The following GP2 variants were observed in gnomAD, a reference collection of about 807,000 sequenced individuals.
The protein encoded by GP2 is pancreatic secretory granule membrane major glycoprotein GP2.
GP2 carries 58 observed loss-of-function variants against 60.8 expected under a neutral mutation model. The ratio of observed to expected loss-of-function variants is 0.95; its 90% confidence interval spans 0.77 to 1.19. The LOEUF is 1.19. GP2 is among the 50% of genes most tolerant of loss of function. The probability of loss-of-function intolerance (pLI) is 0.00; values close to 1 mark genes in which losing one functional copy is unlikely to be tolerated. For missense variants in GP2, 647 were observed against 667.4 expected (o/e 0.97, Z 0.34); for synonymous variants, 280 against 253.4 (o/e 1.10, Z -1.00).
intron 10 of GP2, among the ~76,000 whole-genome samples, chr16:20,312,664 T>A (rs1964024898): frequency 6.6e-6 from 1 of 152,084 alleles, no homozygotes; most frequent in Non-Finnish European, 1.5e-5. Flanking sequence ...TGCTTTTTTT[T>A]TTTTTGATGG....
intron 4 of GP2, among the ~76,000 whole-genome samples, chr16:20,322,464 C>G (rs1045170028): frequency 6.6e-6 from 1 of 152,176 alleles, no homozygotes; most frequent in African/African-American, 2.4e-5. Context: ...ACCTTATCCT[C>G]ATTTTACAGA....
At chr16:20,312,202 G>A (rs1964013234) in intron 10 of GP2, among the ~76,000 whole-genome samples, 1 of 152,152 alleles carries the variant, frequency 6.6e-6, no homozygotes, top group Non-Finnish European at 1.5e-5. Context: ...GAAGGACGTG[G>A]ATCCCAGATG....
chr16:20,316,448 G>C (rs1338120563), intron 8 of GP2, among the ~76,000 whole-genome samples: 1 of 152,152 alleles, frequency 6.6e-6, no homozygotes, highest in Non-Finnish European at 1.5e-5. Context: ...CTCTCGGCTG[G>C]GGCACACCCT....
In GP2 at chr16:20,323,720, C is replaced by T; in HGVS notation, c.535+96G>A. 5.0e-6 allele frequency: 4 copies of T among 797,894 alleles called. No individual in the cohort carries two copies. In the South Asian group the frequency reaches 5.5e-5, roughly 11 times the overall value. 49.4% of individuals were successfully genotyped at this position (797,894 alleles called of 1,614,324 possible). ...CTGAGTCGAGGCTGCTCTGCATCCT[C>T]TCCTGTCTCCTCTTGACTTGCTCCA... On this transcript the variant is annotated intron_variant, in intron 3 of 10. Transcript: ENST00000302555.
At chr16:20,314,851 C>A in intron 9 of GP2, 150 bp from the exon 10 acceptor site, 2 of 688,506 alleles carry the variant, frequency 2.9e-6, no homozygotes, top group African/African-American at 1.8e-5. Flanking sequence ...TAGAATCTGG[C>A]ACAGGCACCT....
At chr16:20,324,333 A>G (rs1964467844) in intron 2 of GP2, 77 bp from the exon 3 acceptor site, 2 of 940,128 alleles carry the variant, frequency 2.1e-6, no homozygotes, top group South Asian at 3.2e-5. Flanking sequence ...TCCATGCTCT[A>G]TTTTGGCTGT....
rs1350467715 is a variant in GP2 at position 20,310,038 on chromosome 16, C to A, written c.*1185G>T. 6.6e-6 allele frequency: 1 copy of A among 152,234 alleles called. No homozygotes were observed. Among genetic ancestry groups the A allele is most frequent in the Non-Finnish European group, 1.5e-5 (1 of 68,056 alleles). 9.4% of individuals were successfully genotyped at this position (152,234 alleles called of 1,614,324 possible). ...TAAGTCAGTGTACACATGTCAGCAT[C>A]TATATGCCCGTGAGTATTAATGCCT... On this transcript the variant is annotated 3_prime_UTR_variant, in exon 11 of 11. Transcript: ENST00000302555.
At chr16:20,325,817 G>A (rs1055819713) in intron 2 of GP2, among the ~76,000 whole-genome samples, 2 of 152,328 alleles carry the variant, frequency 1.3e-5, no homozygotes, top group African/African-American at 4.8e-5. Flanking sequence ...TTTAAGACAA[G>A]GAATCACTGC....
intron 8 of GP2, among the ~76,000 whole-genome samples, chr16:20,316,928 C>T (rs1964191920): frequency 6.7e-6 from 1 of 149,722 alleles, no homozygotes; most frequent in Non-Finnish European, 1.5e-5. Context: ...TTCCCTTTCC[C>T]CTCCCTTCCC....
At chr16:20,322,104 CTG>C (rs1964379362) in intron 4 of GP2, among the ~76,000 whole-genome samples, 2 of 152,240 alleles carry the variant, frequency 1.3e-5, no homozygotes, top group Admixed American at 1.3e-4. Context: ...CCTGTTCACA[CTG>C]TGGCTCCGTT....
intron 3 of GP2, 139 bp downstream of exon 3, chr16:20,323,677 G>T (rs1398021853): frequency 1.6e-6 from 1 of 631,642 alleles, no homozygotes; most frequent in South Asian, 2.0e-5. Context: ...CCTGTGTTGA[G>T]TTCTCACTGG....
At chr16:20,323,087 G>C in intron 3 of GP2, 108 bp from the exon 4 acceptor site, 2 of 664,500 alleles carry the variant, frequency 3.0e-6, no homozygotes, top group Non-Finnish European at 5.4e-6. Context: ...TCTTGCCAAG[G>C]TTGTGTGATA....
intron 2 of GP2, 52 bp downstream of exon 2, chr16:20,326,286 A>C (rs771598157): frequency 1.3e-6 from 2 of 1,572,658 alleles, no homozygotes; most frequent in Non-Finnish European, 1.7e-6. Context: ...TTCTATCCTC[A>C]CTTGCTAGGT....
Position 20,311,411 on chromosome 16 carries a change from T to C in GP2, c.1547-130A>G, listed in dbSNP as rs536270170. On this transcript the variant is annotated intron_variant, in intron 10 of 10. Transcript: ENST00000302555. ...GCATCTTTGATATCTGGCCTAGTTA[T>C]AGTCTCTGGGACTCACATGGTAGAG... is the stretch of plus-strand genomic sequence containing the variant. The C allele has an allele frequency of 3.6e-5, 24 of 660,144 alleles. No individual in the cohort carries two copies. In the East Asian group the frequency reaches 5.5e-4, roughly 15 times the overall value. The allele number at this position is 660,144 out of a possible 1,614,324, so 40.9% of individuals were successfully genotyped here. A position where few individuals can be genotyped will look rare whatever the true frequency, so the allele number is the denominator to read the frequency against.
Position 20,309,760 on chromosome 16 carries a change from G to A in GP2, c.*1463C>T, listed in dbSNP as rs1399400353. ...TGGCTTGCCAGGCCCCACTCCCGGA[G>A]CTTGTGCAGCCTGGATGTATCTCTT... On this transcript the variant is annotated 3_prime_UTR_variant, in exon 11 of 11. Transcript: ENST00000302555. The A allele has an allele frequency of 2.0e-5, 3 of 152,174 alleles. No homozygotes were observed. In the East Asian group the frequency reaches 5.8e-4, roughly 29 times the overall value. 9.4% of individuals were successfully genotyped at this position (152,174 alleles called of 1,614,324 possible).
At position 20,324,227 on chromosome 16, in the gene GP2, A is replaced by G. The variant is rs763796566; in HGVS notation, c.124T>C (p.Tyr42His). ...GCTCCGCAGTCCAGGTCCAGCCCATACGAACTGGCTTCAATGGGGTTTCCA... is the reference window on the plus strand; with the variant it reads ...GCTCCGCAGTCCAGGTCCAGCCCATGCGAACTGGCTTCAATGGGGTTTCCA... ...GYGNPIEASS[Y>H]GLDLDCGAPG... The change falls in exon 3 of 11, where the codon TAT (tyrosine) becomes CAT (histidine). Residue 42 changes from tyrosine (Y) to histidine (H), a missense_variant. Transcript: ENST00000302555. 6 of 1,606,578 alleles carry G rather than the reference A, an allele frequency of 3.7e-6. No homozygotes were observed. The East Asian group carries it at 1.1e-4, about 30-fold the overall frequency.
At chr16:20,321,942 T>C (rs530526828) in intron 4 of GP2, among the ~76,000 whole-genome samples, 1 of 152,300 alleles carries the variant, frequency 6.6e-6, no homozygotes, top group Non-Finnish European at 1.5e-5. Context: ...AATCTGACTC[T>C]GTGATGGGCC....
Position 20,320,262 on chromosome 16 carries a change from C to A in GP2, c.858G>T (p.Glu286Asp). ...VQASACRNIL[E>D]RNQTHAIYKN... Reference sequence around the variant, plus strand: ...CAGCAGTGGTGTGAAAGCCACTTACCTCCAGAATGTTCCTGCAGGCACTAG... The same window carrying A: ...CAGCAGTGGTGTGAAAGCCACTTACATCCAGAATGTTCCTGCAGGCACTAG... Residue 286 changes from glutamate (E) to aspartate (D), a missense_variant and splice_region_variant, in exon 5 of 11, where the codon GAG becomes GAT. Coordinates refer to ENST00000302555, the MANE Select transcript of GP2 (RefSeq NM_001502.4). The A allele has an allele frequency of 1.2e-6, 2 of 1,608,864 alleles. No individual in the cohort carries two copies. Among genetic ancestry groups the A allele is most frequent in the Non-Finnish European group, 1.7e-6 (2 of 1,175,126 alleles).
chr16:20,313,615 T>A (rs1006974612), intron 10 of GP2, among the ~76,000 whole-genome samples: 1 of 152,220 alleles, frequency 6.6e-6, no homozygotes. Flanking sequence ...ATTCTGATAG[T>A]CATTCTTCCT....
Sources: allele counts gnomAD v4.1 joint callset (sites outside exome capture counted in the v4.1 genomes callset), GRCh38; gene constraint gnomAD v4.1.1; transcripts MANE v1.5; gene names NCBI Gene and HGNC (gene_info 2026-07-23, HGNC 2026-07-21).